The following KIT variants were observed in gnomAD, a reference collection of about 807,000 sequenced individuals.
KIT encodes the protein KIT proto-oncogene, receptor tyrosine kinase.
In KIT, 16 loss-of-function variants were observed where a neutral mutation model predicts 105.7. The ratio of observed to expected loss-of-function variants is 0.15; its 90% confidence interval spans 0.10 to 0.23. The LOEUF is 0.23. KIT is among the 10% of genes least tolerant of loss of function. KIT has a pLI of 1.00. For synonymous variants in KIT, 438 were observed against 441.1 expected, an observed-to-expected ratio of 0.99 and a Z score of 0.09; for missense variants, 858 against 1,213.8, an observed-to-expected ratio of 0.71 and a Z score of 4.36.
intron 14 of KIT, among the ~76,000 whole-genome samples, chr4:54,730,237 C>T (rs1426302824): frequency 6.6e-6 from 1 of 152,128 alleles, no homozygotes; most frequent in Non-Finnish European, 1.5e-5. Flanking sequence ...CAACAGAAGT[C>T]ATGGTTATTT....
chr4:54,668,192 G>T (rs1463757921), intron 1 of KIT, among the ~76,000 whole-genome samples: 5 of 152,246 alleles, frequency 3.3e-5, no homozygotes, highest in African/African-American at 1.2e-4. Flanking sequence ...GGGGCACACT[G>T]GTGGCTGCCC....
chr4:54,693,696 G>T (rs1384398025), intron 1 of KIT, among the ~76,000 whole-genome samples: 1 of 151,258 alleles, frequency 6.6e-6, no homozygotes, highest in Non-Finnish European at 1.5e-5. Flanking sequence ...GCATATGGTG[G>T]CAGGGGACAT....
At chr4:54,733,988 G>A (rs1343358834) in intron 17 of KIT, among the ~76,000 whole-genome samples, 1 of 152,108 alleles carries the variant, frequency 6.6e-6, no homozygotes, top group Admixed American at 6.6e-5. Flanking sequence ...TTATGATAAT[G>A]TAATGTTTTC....
chr4:54,736,651 G>T (rs541119793), intron 18 of KIT, 42 bp downstream of exon 18: 1 of 1,596,312 alleles, frequency 6.3e-7, no homozygotes, highest in East Asian at 2.2e-5. Flanking sequence ...TAGACTCAGA[G>T]CATCTTCTTG....
intron 5 of KIT, among the ~76,000 whole-genome samples, chr4:54,706,438 ACATTAATTATTT>A (rs1469588344): frequency 6.6e-6 from 1 of 152,112 alleles, no homozygotes; most frequent in African/African-American, 2.4e-5. Flanking sequence ...TTTTCCTGTT[ACATTAATTATTT>A]TACTATATAG....
intron 1 of KIT, among the ~76,000 whole-genome samples, chr4:54,659,016 G>A (rs530755763): frequency 2.0e-5 from 3 of 152,246 alleles, no homozygotes; most frequent in African/African-American, 7.2e-5. Flanking sequence ...AGAGTGCCCG[G>A]CCTGCCTGGC....
At chr4:54,661,595 T>C (rs1358665897) in intron 1 of KIT, among the ~76,000 whole-genome samples, 1 of 152,240 alleles carries the variant, frequency 6.6e-6, no homozygotes, top group Admixed American at 6.5e-5. Context: ...CAGGCTAGGA[T>C]GTGGGAAATG....
chr4:54,666,859 T>C (rs1000769183), intron 1 of KIT, among the ~76,000 whole-genome samples: 8 of 152,162 alleles, frequency 5.3e-5, no homozygotes, highest in Non-Finnish European at 1.0e-4. Flanking sequence ...TCTAACATAA[T>C]CCACTACTAT....
rs962806802 is a variant in KIT at position 54,727,620 on chromosome 4, C to G, written c.1774+78C>G. 4 of 1,576,924 alleles carry G rather than the reference C, an allele frequency of 2.5e-6. No homozygotes were observed. The African/African-American group carries it at 5.4e-5, about 21-fold the overall frequency. Reference sequence around the variant, plus strand: ...TGACTTTAAGGAACTCCAGTGGCTTCCTTTGTTTTGTTCCACCTGAAACAA... The same window carrying G: ...TGACTTTAAGGAACTCCAGTGGCTTGCTTTGTTTTGTTCCACCTGAAACAA... On this transcript the variant is annotated intron_variant, in intron 11 of 20. Coordinates refer to ENST00000288135, the MANE Select transcript of KIT (RefSeq NM_000222.3).
intron 1 of KIT, among the ~76,000 whole-genome samples, chr4:54,671,659 G>A (rs1274462761): frequency 6.6e-6 from 1 of 152,126 alleles, no homozygotes; most frequent in African/African-American, 2.4e-5. Flanking sequence ...TAGTTGACTA[G>A]GGAAGGGTTA....
At position 54,737,297 on chromosome 4, in the gene KIT, C is replaced by T. The variant is rs2109814321; in HGVS notation, c.2802+17C>T. 6.6e-7 allele frequency: 1 copy of T among 1,521,280 alleles called. No homozygotes were observed. The highest frequency in any genetic ancestry group is 1.4e-5 in the African/African-American group (1 of 73,174). The allele number at this position is 1,521,280 out of a possible 1,614,324, so 94.2% of individuals were successfully genotyped here. A position where few individuals can be genotyped will look rare whatever the true frequency, so the allele number is the denominator to read the frequency against. ...ACCAATCATGTGAGTATACCCTGGC[C>T]AGGCATAGAATCCCCCTTCTCCCAG... On this transcript the variant is annotated intron_variant, in intron 20 of 20. Coordinates refer to ENST00000288135, the MANE Select transcript of KIT (RefSeq NM_000222.3).
chr4:54,709,493 C>G lies in KIT; in HGVS notation c.1185C>G (p.Ser395=), dbSNP rs755864184. The part of the protein sequence containing the change: ...TEGGTYTFLV[S]NSDVNAAIAF... ...GAGGCACTTACACATTCCTAGTGTC[C>G]AATTCTGACGTCAATGCTGCCATAG... Residue 395 remains serine (S), a synonymous_variant, in exon 7 of 21, where the codon TCC becomes TCG. Transcript: ENST00000288135. 6.2e-7 allele frequency: 1 copy of G among 1,613,264 alleles called. No homozygotes were observed. Among genetic ancestry groups the G allele is most frequent in the Non-Finnish European group, 8.5e-7 (1 of 1,179,264 alleles).
In KIT at chr4:54,670,193, G is replaced by A. The variant is rs140794510; in HGVS notation, c.67+12112G>A. On this transcript the variant is annotated intron_variant, in intron 1 of 20. Transcript: ENST00000288135. ...GGAACTGTTTGTTCTGGAATGTGCC[G>A]GAATGCTCTTTCACATCTGAGAGAG... is the stretch of plus-strand genomic sequence containing the variant. Among the ~76,000 whole-genome samples the A allele has an allele frequency of 5.4e-3, 823 of 152,264 alleles. 13 individuals carry two copies. Among genetic ancestry groups the A allele is most frequent in the African/African-American group, 0.019 (773 of 41,542 alleles).
At chr4:54,665,621 G>C (rs1006952889) in intron 1 of KIT, among the ~76,000 whole-genome samples, 16 of 152,168 alleles carry the variant, frequency 1.1e-4, no homozygotes, top group Non-Finnish European at 5.9e-5. Context: ...AATTATCATG[G>C]GTGTAGGTAA....
At chr4:54,700,209 C>T (rs948477200) in intron 4 of KIT, among the ~76,000 whole-genome samples, 2 of 152,212 alleles carry the variant, frequency 1.3e-5, no homozygotes, top group African/African-American at 4.8e-5. Context: ...AAACCCTTCC[C>T]TCGCCCACAA....
intron 9 of KIT, among the ~76,000 whole-genome samples, chr4:54,726,761 G>A (rs2412605): frequency 0.06 from 9,074 of 150,898 alleles, 870 homozygotes; most frequent in African/African-American, 0.21. Context: ...ACAGGGCAAC[G>A]AAAAGAATAC....
rs1225022957 is a variant in KIT, at chr4:54,738,655, G to T, written c.*98G>T. On this transcript the variant is annotated 3_prime_UTR_variant, in exon 21 of 21. Transcript: ENST00000288135. The stretch of plus-strand genomic sequence containing the variant: ...TCTTTCAACTTGCATCCAACTCCAG[G>T]ATAGTGGGCACCCCACTGCAATCCT... 6.9e-7 allele frequency: 1 copy of T among 1,448,298 alleles called. No homozygotes were observed. Among genetic ancestry groups the T allele is most frequent in the African/African-American group, 1.4e-5 (1 of 71,892 alleles). 89.7% of individuals were successfully genotyped at this position (1,448,298 alleles called of 1,614,324 possible). A position where few individuals can be genotyped will look rare whatever the true frequency, so the allele number is the denominator to read the frequency against.
Position 54,736,915 on chromosome 4 carries a change from A to G in KIT, c.2696+95A>G, listed in dbSNP as rs1180101511. Reference sequence around the variant, plus strand: ...CAGATGTTGAGGGTTTTCATAACACAGTTTGAAATGTCACTTGGATTCTTT... The same window carrying G: ...CAGATGTTGAGGGTTTTCATAACACGGTTTGAAATGTCACTTGGATTCTTT... On this transcript the variant is annotated intron_variant, in intron 19 of 20. Transcript: ENST00000288135. The G allele has an allele frequency of 6.7e-6, 6 of 889,544 alleles. No individual in the cohort carries two copies. The African/African-American group carries it at 8.3e-5, about 12-fold the overall frequency. The allele number at this position is 889,544 out of a possible 1,614,324, so 55.1% of individuals were successfully genotyped here. A position where few individuals can be genotyped will look rare whatever the true frequency, so the allele number is the denominator to read the frequency against.
At chr4:54,703,693 A>AT (rs544780604) in intron 4 of KIT, 31 bp from the exon 5 acceptor site, 1,074 of 1,552,620 alleles carry the variant, frequency 6.9e-4, no homozygotes, top group Middle Eastern at 1.0e-3. Flanking sequence ...GGTAATCTTC[A>AT]TTTTTTTTTC....
Sources: allele counts gnomAD v4.1 joint callset (sites outside exome capture counted in the v4.1 genomes callset), GRCh38; gene constraint gnomAD v4.1.1; transcripts MANE v1.5; gene names NCBI Gene and HGNC (gene_info 2026-07-23, HGNC 2026-07-21).